MAGI2: variants seen among roughly 807,000 people sequenced by gnomAD.
MAGI2 encodes membrane associated guanylate kinase, WW and PDZ domain containing 2.
A neutral mutation model predicts 133.3 loss-of-function variants in MAGI2; 35 were observed. The observed-to-expected ratio is 0.26, with a 90% CI of 0.20 to 0.35. The LOEUF (loss-of-function observed/expected upper bound fraction) is 0.35. MAGI2 is among the 10% of genes least tolerant of loss of function. MAGI2 has a pLI of 1.00. For synonymous variants in MAGI2, 729 were observed against 710.6 expected, an observed-to-expected ratio of 1.03 and a Z score of -0.41; for missense variants, 1,636 against 1,863.4, an observed-to-expected ratio of 0.88 and a Z score of 2.25.
chr7:78,696,977 C>T lies in MAGI2; in HGVS notation c.419-69738G>A, dbSNP rs114435321. Among the ~76,000 whole-genome samples the T allele has an allele frequency of 1.6e-3, 199 of 126,518 alleles. 2 individuals are homozygous for T. The highest frequency in any genetic ancestry group is 5.4e-3 in the African/African-American group (195 of 36,210). The allele number at this position is 126,518 out of a possible 152,430, so 83.0% of individuals were successfully genotyped here. On this transcript the variant is annotated intron_variant, in intron 2 of 21. Coordinates refer to ENST00000354212, the MANE Select transcript of MAGI2 (RefSeq NM_012301.4). ...TGCAATCAAAATGACCCTTATTTTG[C>T]TTTCATCATTCAAAGCTTTTAAATA...
intron 9 of MAGI2, among the ~76,000 whole-genome samples, chr7:78,275,201 G>A (rs11770597): frequency 0.19 from 29,543 of 152,146 alleles, 3,303 homozygotes; most frequent in South Asian, 0.31. Context: ...GAAGGGGAGA[G>A]AATTCCCCAA....
At chr7:78,412,937 C>T (rs973507892) in intron 6 of MAGI2, among the ~76,000 whole-genome samples, 1 of 152,038 alleles carries the variant, frequency 6.6e-6, no homozygotes, top group African/African-American at 2.4e-5. Flanking sequence ...GGTGGCTAAC[C>T]ACCATCTCTA....
At chr7:78,232,014 G>T (rs893763421) in intron 10 of MAGI2, among the ~76,000 whole-genome samples, 1 of 151,802 alleles carries the variant, frequency 6.6e-6, no homozygotes, top group African/African-American at 2.4e-5. Flanking sequence ...AGGGTGGGAT[G>T]GCCTTGACTC....
Position 78,157,234 on chromosome 7 carries a change from A to G in MAGI2, c.2845+2791T>C, listed in dbSNP as rs557580228. Among the ~76,000 whole-genome samples, 310 of 152,302 alleles carry G rather than the reference A, an allele frequency of 2.0e-3. 2 individuals are homozygous for G. The highest frequency in any genetic ancestry group is 7.1e-3 in the African/African-American group (294 of 41,564). On this transcript the variant is annotated intron_variant, in intron 16 of 21. Coordinates refer to ENST00000354212, the MANE Select transcript of MAGI2 (RefSeq NM_012301.4). ...AGAGCACGGGGCAACTTGCATTTTA[A>G]ACTCCCTAAATTGAAAAGAAATAAA...
At chr7:78,402,440 G>A (rs1166619691) in intron 6 of MAGI2, among the ~76,000 whole-genome samples, 4 of 152,078 alleles carry the variant, frequency 2.6e-5, no homozygotes, top group Non-Finnish European at 5.9e-5. Flanking sequence ...GCATGTGTGT[G>A]TGTCCACCTC....
chr7:79,136,222 T>C (rs1000796626), intron 1 of MAGI2, among the ~76,000 whole-genome samples: 2 of 152,226 alleles, frequency 1.3e-5, no homozygotes, highest in African/African-American at 4.8e-5. Flanking sequence ...GTCTTATATT[T>C]GTCTTTCCTA....
intron 2 of MAGI2, among the ~76,000 whole-genome samples, chr7:78,825,001 G>C (rs896063816): frequency 6.6e-6 from 1 of 152,090 alleles, no homozygotes; most frequent in African/African-American, 2.4e-5. Context: ...TCACTCATAA[G>C]TGGGAGTTGA....
At chr7:79,131,184 A>G (rs913907081) in intron 1 of MAGI2, among the ~76,000 whole-genome samples, 2 of 152,186 alleles carry the variant, frequency 1.3e-5, no homozygotes, top group African/African-American at 4.8e-5. Context: ...GCAGGGTCCA[A>G]CATCTCCTGG....
chr7:79,357,220 G>A (rs1842081496), intron 1 of MAGI2, among the ~76,000 whole-genome samples: 1 of 152,166 alleles, frequency 6.6e-6, no homozygotes, highest in South Asian at 2.1e-4. Flanking sequence ...TAAAGAAAGA[G>A]TCAAATCGCC....
At position 79,273,896 on chromosome 7, in the gene MAGI2, T is replaced by TA. The variant is rs1835050404; in HGVS notation, c.301+179123dup. On this transcript the variant is annotated intron_variant, in intron 1 of 21. Transcript: ENST00000354212. Reference sequence around the variant, plus strand: ...GCTCTTGAGATAATTATGGTACTAATAAAAAACTGCTTATTAAAACAAAAC... The same window carrying TA: ...GCTCTTGAGATAATTATGGTACTAATAAAAAAACTGCTTATTAAAACAAAAC... Among the ~76,000 whole-genome samples, 4 of 152,114 alleles carry TA rather than the reference T, an allele frequency of 2.6e-5. No individual in the cohort carries two copies. The South Asian group carries it at 8.3e-4, about 32-fold the overall frequency.
At chr7:78,120,198 T>G (rs1583999452) in intron 20 of MAGI2, among the ~76,000 whole-genome samples, 1 of 151,298 alleles carries the variant, frequency 6.6e-6, no homozygotes. Flanking sequence ...GTCAGGAGAT[T>G]GAGACCATCC....
At chr7:78,770,227 A>C (rs1350766179) in intron 2 of MAGI2, among the ~76,000 whole-genome samples, 1 of 152,226 alleles carries the variant, frequency 6.6e-6, no homozygotes, top group Non-Finnish European at 1.5e-5. Flanking sequence ...GGTTGTAAAA[A>C]AGGCTTTAAA....
intron 2 of MAGI2, among the ~76,000 whole-genome samples, chr7:78,628,878 T>A (rs1176394151): frequency 6.6e-6 from 1 of 151,338 alleles, no homozygotes; most frequent in African/African-American, 2.4e-5. Context: ...ATTAACATGG[T>A]TTTTGGCAAT....
chr7:78,298,392 A>ATTGT (rs1797506604), intron 9 of MAGI2, among the ~76,000 whole-genome samples: 3 of 152,218 alleles, frequency 2.0e-5, no homozygotes, highest in South Asian at 2.1e-4. Context: ...ATACCACATC[A>ATTGT]TTGTTGGTTC....
chr7:78,852,374 A>G (rs978360082), intron 2 of MAGI2, among the ~76,000 whole-genome samples: 1 of 152,086 alleles, frequency 6.6e-6, no homozygotes, highest in East Asian at 1.9e-4. Context: ...ACGAACAGGA[A>G]ACTTAAGTTT....
At position 78,565,641 on chromosome 7, in the gene MAGI2, G is replaced by A. The variant is rs1584658920; in HGVS notation, c.539-43996C>T. On this transcript the variant is annotated intron_variant, in intron 3 of 21. Coordinates refer to ENST00000354212, the MANE Select transcript of MAGI2 (RefSeq NM_012301.4). ...TAAAACATTTGCTTTTCGTTTTCTTGTCATAGACAACACAGCCTTACTATT... is the reference window on the plus strand; with the variant it reads ...TAAAACATTTGCTTTTCGTTTTCTTATCATAGACAACACAGCCTTACTATT... Among the ~76,000 whole-genome samples, 3 of 152,080 alleles carry A rather than the reference G, an allele frequency of 2.0e-5. No individual in the cohort carries two copies. In the South Asian group the frequency reaches 6.2e-4, roughly 32 times the overall value.
At chr7:79,217,188 C>T (rs949668827) in intron 1 of MAGI2, among the ~76,000 whole-genome samples, 2 of 152,074 alleles carry the variant, frequency 1.3e-5, no homozygotes, top group African/African-American at 4.8e-5. Flanking sequence ...CAGAATTACT[C>T]TGATTTCAAG....
chr7:78,026,412 C>T (rs1014927072), intron 21 of MAGI2, among the ~76,000 whole-genome samples: 1 of 152,120 alleles, frequency 6.6e-6, no homozygotes, highest in Non-Finnish European at 1.5e-5. Context: ...CTTGGTTTTC[C>T]CATATGGCTC....
intron 3 of MAGI2, among the ~76,000 whole-genome samples, chr7:78,614,181 G>A (rs1459192133): frequency 6.6e-6 from 1 of 150,788 alleles, no homozygotes; most frequent in East Asian, 1.9e-4. Context: ...CCAAGATAGC[G>A]ATGTATTATT....
Sources: gnomAD v4.1 joint callset for allele counts (sites outside exome capture counted in the v4.1 genomes callset) on GRCh38, gnomAD v4.1.1 for gene constraint, MANE v1.5 for transcripts, NCBI Gene and HGNC (gene_info 2026-07-23, HGNC 2026-07-21) for gene names.